Variants in KLF13 observed in about 807,000 individuals in gnomAD.
KLF13 encodes the protein KLF transcription factor 13, also known as Krueppel-like factor 13.
KLF13 carries 8 observed loss-of-function variants against 16.7 expected under a neutral mutation model. The ratio of observed to expected loss-of-function variants is 0.48; its 90% CI spans 0.28 to 0.87. The LOEUF (loss-of-function observed/expected upper bound fraction) is 0.87. KLF13 is among the 40% of genes least tolerant of loss of function. The probability of loss-of-function intolerance (pLI) is 0.10; values close to 1 mark genes in which losing one functional copy is unlikely to be tolerated. For synonymous variants in KLF13, 245 were observed against 208.4 expected (o/e 1.18, Z -1.51); for missense variants, 447 against 452.2 (o/e 0.99, Z 0.10).
chr15:31,353,095 G>A (rs1168003420), intron 1 of KLF13, among the ~76,000 whole-genome samples: 1 of 152,216 alleles, frequency 6.6e-6, no homozygotes, highest in East Asian at 1.9e-4. Flanking sequence ...CCCTGGGCCA[G>A]GGGGCTGGGC....
downstream of KLF13, among the ~76,000 whole-genome samples, chr15:31,409,574 C>G (rs766164370): frequency 6.6e-6 from 1 of 151,948 alleles, no homozygotes. Flanking sequence ...ACCACACTTA[C>G]GTATGTCATA....
At chr15:31,381,127 G>A (rs1044702248), downstream of KLF13, among the ~76,000 whole-genome samples, 2 of 136,570 alleles carry the variant, frequency 1.5e-5, no homozygotes, top group African/African-American at 2.7e-5. Context: ...AGCGAAGATC[G>A]CGCCATTGCA....
At chr15:31,417,458 G>A (rs2040268192) in intron 1 of KLF13, among the ~76,000 whole-genome samples, 1 of 151,938 alleles carries the variant, frequency 6.6e-6, no homozygotes, top group Admixed American at 6.6e-5. Context: ...TCATGCCACT[G>A]CACTTGAGCC....
chr15:31,398,888 A>C (rs905432151), intron 2 of KLF13, among the ~76,000 whole-genome samples: 1 of 152,132 alleles, frequency 6.6e-6, no homozygotes, highest in Non-Finnish European at 1.5e-5. Context: ...TCGCCTACAC[A>C]GCTCCCTTTG....
intron 1 of KLF13, among the ~76,000 whole-genome samples, chr15:31,328,248 G>A (rs961219606): frequency 1.3e-5 from 2 of 151,026 alleles, no homozygotes; most frequent in Non-Finnish European, 3.0e-5. Context: ...GCGCGCTCAG[G>A]AGGGGAGGGG....
chr15:31,435,358 G>A lies in KLF13; in HGVS notation n.118-12G>A, dbSNP rs532779862. ...CTCAAAACGGCCTCAAGAGGCTCTC[G>A]ATCTTTTACAGGTGACAAAGAAGAC... On this transcript the variant is annotated splice_polypyrimidine_tract_variant and intron_variant and non_coding_transcript_variant, in intron 1 of 1. Coordinates refer to the KLF13 transcript ENST00000558225. The A allele has an allele frequency of 4.6e-5, 7 of 152,278 alleles. No individual in the cohort carries two copies. In the East Asian group the frequency reaches 7.7e-4, roughly 17 times the overall value. 9.4% of individuals were successfully genotyped at this position (152,278 alleles called of 1,614,324 possible).
chr15:31,379,870 G>A (rs2039703048), downstream of KLF13, among the ~76,000 whole-genome samples: 1 of 152,184 alleles, frequency 6.6e-6, no homozygotes, highest in Non-Finnish European at 1.5e-5. Flanking sequence ...AGTCAGGTTT[G>A]TGGCAGTTAG....
At chr15:31,327,864 C>A in intron 1 of KLF13, 75 bp downstream of exon 1, 1 of 1,228,046 alleles carries the variant, frequency 8.1e-7, no homozygotes, top group South Asian at 2.9e-5. Context: ...CCCCCGGAGT[C>A]CCCGATGGGG....
chr15:31,347,038 G>T (rs2039133878), intron 1 of KLF13, among the ~76,000 whole-genome samples: 1 of 152,218 alleles, frequency 6.6e-6, no homozygotes. Context: ...GCTGGGACAA[G>T]GTCAGGTCTG....
chr15:31,405,674 T>G, downstream of KLF13, among the ~76,000 whole-genome samples: 1 of 152,200 alleles, frequency 6.6e-6, no homozygotes, highest in East Asian at 1.9e-4. Flanking sequence ...TGGTGAGGGC[T>G]GCCAGGTGTG....
chr15:31,368,848 G>GTAGA (rs916876686), intron 1 of KLF13, among the ~76,000 whole-genome samples: 5 of 150,068 alleles, frequency 3.3e-5, no homozygotes, highest in Admixed American at 6.6e-5. Flanking sequence ...AGATAGATAG[G>GTAGA]TAGATAGATA....
At chr15:31,413,181 A>C (rs1566843620) in intron 1 of KLF13, among the ~76,000 whole-genome samples, 1 of 147,868 alleles carries the variant, frequency 6.8e-6, no homozygotes, top group Non-Finnish European at 1.5e-5. Context: ...AGAGAAAATG[A>C]ATAGACAAAA....
chr15:31,415,673 C>T (rs753507395), intron 1 of KLF13, among the ~76,000 whole-genome samples: 4 of 151,900 alleles, frequency 2.6e-5, no homozygotes, highest in Non-Finnish European at 5.9e-5. Flanking sequence ...CTGTAAATAC[C>T]TATGTTAAAA....
At chr15:31,416,156 A>G (rs2040255973) in intron 1 of KLF13, among the ~76,000 whole-genome samples, 1 of 152,166 alleles carries the variant, frequency 6.6e-6, no homozygotes, top group African/African-American at 2.4e-5. Flanking sequence ...TATACCTATA[A>G]GAAGCAAAGT....
At chr15:31,433,898 T>C (rs1444654126) in intron 1 of KLF13, among the ~76,000 whole-genome samples, 1 of 152,210 alleles carries the variant, frequency 6.6e-6, no homozygotes, top group Admixed American at 6.5e-5. Flanking sequence ...TTTGCCTAGC[T>C]CAGGGTCTTA....
downstream of KLF13, among the ~76,000 whole-genome samples, chr15:31,381,243 C>A (rs73383033): frequency 3.9e-3 from 593 of 151,682 alleles, 5 homozygotes; most frequent in African/African-American, 0.014. Flanking sequence ...TAAAGCAACA[C>A]AAATTTATTC....
At chr15:31,340,743 C>T (rs1209828798) in intron 1 of KLF13, among the ~76,000 whole-genome samples, 1 of 152,154 alleles carries the variant, frequency 6.6e-6, no homozygotes, top group Non-Finnish European at 1.5e-5. Context: ...GTGGTGCACA[C>T]ACCTGTACCA....
intron 1 of KLF13, among the ~76,000 whole-genome samples, chr15:31,361,249 A>C (rs552700352): frequency 1.3e-5 from 2 of 152,296 alleles, no homozygotes; most frequent in East Asian, 3.9e-4. Flanking sequence ...GAACGTGGGC[A>C]GCAGTGTTCC....
Position 31,423,176 on chromosome 15 carries a change from C to CGTATATATACGTATATATATACGT in KLF13, n.118-12194_118-12193insGTATATATACGTATATATATACGT, listed in dbSNP as rs149346729. On this transcript the variant is annotated intron_variant and non_coding_transcript_variant, in intron 1 of 1. Transcript: ENST00000558225. ...ATACGTATATATATGTATATATATA[C>CGTATATATACGTATATATATACGT]ATATATACGTATATATATATATCAG... is the stretch of plus-strand genomic sequence containing the variant. Among the ~76,000 whole-genome samples, 12 of 17,000 alleles carry CGTATATATACGTATATATATACGT rather than the reference C, an allele frequency of 7.1e-4. 4 individuals are homozygous for CGTATATATACGTATATATATACGT. The highest frequency in any genetic ancestry group is 6.2e-3 in the African/African-American group (12 of 1,944). 11.2% of individuals were successfully genotyped at this position (17,000 alleles called of 152,430 possible). A position where few individuals can be genotyped will look rare whatever the true frequency, so the allele number is the denominator to read the frequency against.
Sources: gnomAD v4.1 joint callset for allele counts (sites outside exome capture counted in the v4.1 genomes callset) on GRCh38, gnomAD v4.1.1 for gene constraint, MANE v1.5 for transcripts, NCBI Gene and HGNC (gene_info 2026-07-23, HGNC 2026-07-21) for gene names.